The following TTC39B variants were observed in gnomAD, a reference collection of about 807,000 sequenced individuals.
The protein encoded by TTC39B is tetratricopeptide repeat domain 39B.
Under a neutral mutation model 96.6 loss-of-function variants are expected in TTC39B, and 92 were observed. That is an observed-to-expected ratio of 0.95 (90% CI 0.80 to 1.13). The LOEUF is 1.13. Among genes scored for constraint, TTC39B ranks in the 50% most tolerant of loss-of-function variants. The pLI, the probability that TTC39B is intolerant of heterozygous loss-of-function variation, is 0.00. For missense variants in TTC39B, 955 were observed against 809.3 expected (o/e 1.18, Z -2.18); for synonymous variants, 367 against 299.4 (o/e 1.23, Z -2.33).
At chr9:15,238,248 G>C (rs963147953) in intron 2 of TTC39B, among the ~76,000 whole-genome samples, 11 of 152,078 alleles carry the variant, frequency 7.2e-5, no homozygotes, top group Admixed American at 6.5e-4. Flanking sequence ...CATAATACTG[G>C]AAGTCCGAGC....
intron 1 of TTC39B, among the ~76,000 whole-genome samples, chr9:15,269,017 T>C (rs1823239236): frequency 1.3e-5 from 2 of 152,192 alleles, no homozygotes; most frequent in South Asian, 4.1e-4. Context: ...TTTCCGTTCC[T>C]TGGACAAGTC....
chr9:15,223,597 T>C (rs1820964131), intron 3 of TTC39B, among the ~76,000 whole-genome samples: 1 of 152,190 alleles, frequency 6.6e-6, no homozygotes, highest in Admixed American at 6.5e-5. Context: ...CTTGTCCACA[T>C]CCAAGCTTCC....
chr9:15,291,118 AG>A (rs1384235606), intron 1 of TTC39B, among the ~76,000 whole-genome samples: 1 of 152,244 alleles, frequency 6.6e-6, no homozygotes, highest in Non-Finnish European at 1.5e-5. Context: ...ATGGTGAAGA[AG>A]GGCCACCCTC....
At chr9:15,214,063 A>G in intron 4 of TTC39B, 76 bp downstream of exon 4, 4 of 1,148,716 alleles carry the variant, frequency 3.5e-6, no homozygotes, top group Non-Finnish European at 5.1e-6. Flanking sequence ...AGCTAAATTA[A>G]TTTACAAGCA....
chr9:15,202,975 A>C (rs1819630392), intron 7 of TTC39B, among the ~76,000 whole-genome samples: 1 of 152,216 alleles, frequency 6.6e-6, no homozygotes, highest in South Asian at 2.1e-4. Context: ...AGGATTGTTT[A>C]GTGACTTCTA....
At chr9:15,202,796 G>A (rs1819620018) in intron 7 of TTC39B, among the ~76,000 whole-genome samples, 1 of 150,914 alleles carries the variant, frequency 6.6e-6, no homozygotes, top group Admixed American at 6.6e-5. Flanking sequence ...ATTTCTTTCT[G>A]ATTTCTTACA....
chr9:15,203,492 C>T (rs561391163), intron 7 of TTC39B, among the ~76,000 whole-genome samples: 11 of 151,558 alleles, frequency 7.3e-5, no homozygotes, highest in African/African-American at 2.7e-4. Context: ...AACTCTGGAC[C>T]TCAGGTGATC....
In TTC39B at chr9:15,199,405, C is replaced by CA. The variant is rs542983539; in HGVS notation, c.824+455dup. Among the ~76,000 whole-genome samples the CA allele has an allele frequency of 3.9e-4, 59 of 152,126 alleles. 1 individual carries two copies. Among genetic ancestry groups the CA allele is most frequent in the Admixed American group, 2.0e-3 (30 of 15,286 alleles). On this transcript the variant is annotated intron_variant, in intron 8 of 19. Coordinates refer to ENST00000512701, the Ensembl canonical transcript of TTC39B. ...CCTATAACACTGAATACACACTCAACAAAAAATTAAGTTCATTTTTACCAA... is the reference window on the plus strand; with the variant it reads ...CCTATAACACTGAATACACACTCAACAAAAAAATTAAGTTCATTTTTACCAA...
chr9:15,212,830 C>T (rs10961916), intron 4 of TTC39B, among the ~76,000 whole-genome samples: 57,732 of 151,862 alleles, frequency 0.38, 11,279 homozygotes, highest in African/African-American at 0.42. Flanking sequence ...GAGAAAGACT[C>T]GTTTGAATAA....
chr9:15,181,709 G>T (rs1818258261), intron 17 of TTC39B, among the ~76,000 whole-genome samples: 1 of 152,160 alleles, frequency 6.6e-6, no homozygotes, highest in African/African-American at 2.4e-5. Context: ...CAGCAATAAG[G>T]AGGCATAGAA....
At chr9:15,200,867 C>T (rs1251923887) in intron 7 of TTC39B, among the ~76,000 whole-genome samples, 2 of 152,080 alleles carry the variant, frequency 1.3e-5, no homozygotes, top group African/African-American at 2.4e-5. Context: ...GGCATGGTGG[C>T]GGGTGCCTGT....
At chr9:15,270,501 C>T (rs565228640) in intron 1 of TTC39B, among the ~76,000 whole-genome samples, 4 of 152,028 alleles carry the variant, frequency 2.6e-5, no homozygotes, top group Non-Finnish European at 2.9e-5. Flanking sequence ...CACTAAAATA[C>T]TTACTGAGTG....
At chr9:15,179,984 T>C (rs2118576272) in intron 17 of TTC39B, among the ~76,000 whole-genome samples, 1 of 152,318 alleles carries the variant, frequency 6.6e-6, no homozygotes. Context: ...GTATAAATGC[T>C]TTGTCATGAT....
chr9:15,277,669 A>G (rs1459971967), intron 1 of TTC39B, among the ~76,000 whole-genome samples: 1 of 152,204 alleles, frequency 6.6e-6, no homozygotes, highest in East Asian at 1.9e-4. Flanking sequence ...TAAAGCAGAG[A>G]GGCTGGCACA....
chr9:15,219,854 C>A (rs1260582553), intron 3 of TTC39B, among the ~76,000 whole-genome samples: 1 of 152,168 alleles, frequency 6.6e-6, no homozygotes, highest in Non-Finnish European at 1.5e-5. Context: ...TGCCCCACAC[C>A]GCCCAACCAT....
At chr9:15,211,298 A>G (rs1184315578) in exon 5 of TTC39B, 1 of 1,583,248 alleles carries the variant, frequency 6.3e-7, no homozygotes, top group African/African-American at 1.4e-5. Flanking sequence ...CCTTCATGGC[A>G]GAAATGCCGT....
chr9:15,260,893 C>T (rs1822920617), intron 2 of TTC39B, among the ~76,000 whole-genome samples: 2 of 152,210 alleles, frequency 1.3e-5, no homozygotes, highest in African/African-American at 2.4e-5. Flanking sequence ...TAGACACATA[C>T]ATCCCCACTG....
intron 6 of TTC39B, among the ~76,000 whole-genome samples, chr9:15,208,949 C>T (rs1480698459): frequency 6.6e-6 from 1 of 152,126 alleles, no homozygotes; most frequent in Non-Finnish European, 1.5e-5. Flanking sequence ...TACACTTGAC[C>T]ATTAGAAACT....
chr9:15,208,698 C>T (rs1055514882), intron 6 of TTC39B, among the ~76,000 whole-genome samples: 11 of 152,168 alleles, frequency 7.2e-5, no homozygotes, highest in African/African-American at 2.7e-4. Flanking sequence ...GTTTCAGCTG[C>T]CTAGAATGAC....
Sources: gnomAD v4.1 joint callset for allele counts (sites outside exome capture counted in the v4.1 genomes callset) on GRCh38, gnomAD v4.1.1 for gene constraint, MANE v1.5 for transcripts, NCBI Gene and HGNC (gene_info 2026-07-23, HGNC 2026-07-21) for gene names.